PAPSS2: variants seen among roughly 807,000 people sequenced by gnomAD.
The protein encoded by PAPSS2 is 3'-phosphoadenosine 5'-phosphosulfate synthase 2.
A neutral mutation model predicts 66.5 loss-of-function variants in PAPSS2; 61 were observed. The ratio of observed to expected loss-of-function variants is 0.92; its 90% CI spans 0.75 to 1.14. PAPSS2 has a LOEUF of 1.14. Among genes scored for constraint, PAPSS2 ranks in the 50% most tolerant of loss-of-function variants. The pLI is 0.00. For missense variants in PAPSS2, 708 were observed against 789.6 expected, an observed-to-expected ratio of 0.90 and a Z score of 1.24; for synonymous variants, 289 against 287.5, an observed-to-expected ratio of 1.01 and a Z score of -0.05.
At chr10:87,691,218 C>A (rs1286753449) in intron 1 of PAPSS2, among the ~76,000 whole-genome samples, 1 of 152,150 alleles carries the variant, frequency 6.6e-6, no homozygotes, top group Non-Finnish European at 1.5e-5. Context: ...TACCTTTGAC[C>A]ATAACAAACA....
At chr10:87,686,560 A>G (rs1253661843) in intron 1 of PAPSS2, among the ~76,000 whole-genome samples, 1 of 152,198 alleles carries the variant, frequency 6.6e-6, no homozygotes, top group Non-Finnish European at 1.5e-5. Flanking sequence ...GGACCACCTC[A>G]TAACTAATGT....
intron 1 of PAPSS2, among the ~76,000 whole-genome samples, chr10:87,696,669 AC>A (rs1223128673): frequency 1.3e-5 from 2 of 152,208 alleles, no homozygotes; most frequent in African/African-American, 4.8e-5. Context: ...AGCAATTTTA[AC>A]CCTTAAATTA....
intron 1 of PAPSS2, among the ~76,000 whole-genome samples, chr10:87,696,420 C>T (rs780285294): frequency 1.7e-4 from 26 of 152,186 alleles, no homozygotes; most frequent in Non-Finnish European, 3.5e-4. Context: ...ATTAATCTCA[C>T]CTCCACTTTG....
chr10:87,664,419 C>T (rs1852790739), intron 1 of PAPSS2, among the ~76,000 whole-genome samples: 2 of 152,174 alleles, frequency 1.3e-5, no homozygotes, highest in African/African-American at 4.8e-5. Context: ...TTCTCTCCAC[C>T]CTTCCTGTGC....
intron 1 of PAPSS2, among the ~76,000 whole-genome samples, chr10:87,676,108 A>C (rs1259615781): frequency 1.3e-5 from 2 of 151,494 alleles, no homozygotes; most frequent in East Asian, 1.9e-4. Context: ...AAAGCTTACT[A>C]TCCTTGTCCT....
At chr10:87,676,742 C>T (rs924565137) in intron 1 of PAPSS2, among the ~76,000 whole-genome samples, 2 of 151,866 alleles carry the variant, frequency 1.3e-5, no homozygotes, top group Admixed American at 6.6e-5. Context: ...TGTGATGGCA[C>T]ATGCCTGTAG....
intron 1 of PAPSS2, among the ~76,000 whole-genome samples, chr10:87,673,377 C>G (rs1052961449): frequency 2.6e-5 from 4 of 151,936 alleles, no homozygotes; most frequent in Admixed American, 6.6e-5. Context: ...CCAGGCTGGT[C>G]TTGTACTCCT....
chr10:87,742,240 T>C (rs952257659), intron 10 of PAPSS2, among the ~76,000 whole-genome samples: 5 of 152,158 alleles, frequency 3.3e-5, no homozygotes, highest in Admixed American at 6.5e-5. Context: ...AAAAAGCAAA[T>C]TGCAGAACAA....
chr10:87,707,506 T>G (rs1381793858), intron 1 of PAPSS2, among the ~76,000 whole-genome samples: 1 of 152,122 alleles, frequency 6.6e-6, no homozygotes, highest in Non-Finnish European at 1.5e-5. Flanking sequence ...TAGTTTCTAT[T>G]TTCCCGAAGT....
intron 1 of PAPSS2, among the ~76,000 whole-genome samples, chr10:87,683,274 G>A (rs1036093927): frequency 2.0e-5 from 3 of 151,828 alleles, no homozygotes; most frequent in African/African-American, 7.3e-5. Flanking sequence ...TGTATTTTTA[G>A]TAGAGACGGG....
At chr10:87,741,018 C>A (rs1252636903) in intron 9 of PAPSS2, among the ~76,000 whole-genome samples, 1 of 152,050 alleles carries the variant, frequency 6.6e-6, no homozygotes, top group African/African-American at 2.4e-5. Context: ...CTATAACCCA[C>A]AAAAATGAAA....
At chr10:87,728,063 A>G (rs1441022986) in intron 9 of PAPSS2, among the ~76,000 whole-genome samples, 1 of 152,202 alleles carries the variant, frequency 6.6e-6, no homozygotes, top group African/African-American at 2.4e-5. Context: ...AAGATTGAAA[A>G]AAATGTGTTC....
intron 8 of PAPSS2, among the ~76,000 whole-genome samples, chr10:87,723,826 TGTCA>T (rs1268302647): frequency 1.3e-5 from 2 of 152,238 alleles, no homozygotes; most frequent in Non-Finnish European, 2.9e-5. Flanking sequence ...TCTTTAACTC[TGTCA>T]GAGGCCTTCT....
intron 1 of PAPSS2, among the ~76,000 whole-genome samples, chr10:87,707,954 C>A (rs1853413576): frequency 6.6e-6 from 1 of 152,194 alleles, no homozygotes; most frequent in South Asian, 2.1e-4. Context: ...TTAAAAGGCT[C>A]ATAGATTTTT....
chr10:87,724,039 A>G (rs933702369), intron 8 of PAPSS2, among the ~76,000 whole-genome samples: 1 of 152,156 alleles, frequency 6.6e-6, no homozygotes. Flanking sequence ...ACGCTTAACC[A>G]TGAGCCCTCA....
Position 87,741,513 on chromosome 10 carries a change from G to T in PAPSS2, c.1222+143G>T, listed in dbSNP as rs537973924. 1.9e-4 allele frequency: 136 copies of T among 720,430 alleles called. 1 individual carries two copies. Among genetic ancestry groups the T allele is most frequent in the South Asian group, 8.3e-4 (55 of 66,364 alleles). 44.6% of individuals were successfully genotyped at this position (720,430 alleles called of 1,614,324 possible). On this transcript the variant is annotated intron_variant, in intron 10 of 12. Coordinates refer to ENST00000456849, the MANE Select transcript of PAPSS2 (RefSeq NM_001015880.2). ...AGGTTCAAGTAATTCTCCTGCCTCA[G>T]CCTCCTGAGTAGCTTGGATTACAGG...
intron 1 of PAPSS2, among the ~76,000 whole-genome samples, chr10:87,700,595 C>T (rs1168215556): frequency 6.7e-6 from 1 of 149,346 alleles, no homozygotes. Flanking sequence ...GACGTGGAGG[C>T]GGCAGTGAGC....
At chr10:87,706,529 G>C (rs865858224) in intron 1 of PAPSS2, among the ~76,000 whole-genome samples, 2 of 151,260 alleles carry the variant, frequency 1.3e-5, no homozygotes, top group Admixed American at 6.6e-5. Flanking sequence ...GGCTGAGGTG[G>C]GAGTATCACT....
chr10:87,697,226 C>T lies in PAPSS2; in HGVS notation c.28-11970C>T, dbSNP rs532574959. 3.3e-4 allele frequency among the ~76,000 whole-genome samples: 50 copies of T among 152,226 alleles called. 1 individual carries two copies. The highest frequency in any genetic ancestry group is 6.8e-3 in the Middle Eastern group (2 of 294). On this transcript the variant is annotated intron_variant, in intron 1 of 12. Transcript: ENST00000456849. Reference sequence around the variant, plus strand: ...TCTGGTGATTAGAATAGGCAAAAAACGAACATGGTTATGGCAAATAGGAAG... The same window carrying T: ...TCTGGTGATTAGAATAGGCAAAAAATGAACATGGTTATGGCAAATAGGAAG...
Sources: gnomAD v4.1 joint callset for allele counts (sites outside exome capture counted in the v4.1 genomes callset) on GRCh38, gnomAD v4.1.1 for gene constraint, MANE v1.5 for transcripts, NCBI Gene and HGNC (gene_info 2026-07-23, HGNC 2026-07-21) for gene names.